Variants in SH3BP4 observed in about 807,000 individuals in gnomAD.
SH3BP4 encodes SH3 domain binding protein 4.
A neutral mutation model predicts 65.5 loss-of-function variants in SH3BP4; 33 were observed. The ratio of observed to expected loss-of-function variants is 0.50; its 90% CI spans 0.38 to 0.67. The LOEUF is 0.67. SH3BP4 is among the 30% of genes least tolerant of loss of function. The probability of loss-of-function intolerance (pLI) is 0.00; values close to 1 mark genes in which losing one functional copy is unlikely to be tolerated. For synonymous variants in SH3BP4, 552 were observed against 545.5 expected, an observed-to-expected ratio of 1.01 and a Z score of -0.17; for missense variants, 1,134 against 1,261.4, an observed-to-expected ratio of 0.90 and a Z score of 1.53.
rs149233998 is a variant in SH3BP4, at chr2:235,016,412, T to C, written c.-132-18459T>C. ...TACTTAGAAAGGGAACACTTTCCTC[T>C]GTGACTGGAAGTGTCTGGTGATGCT... On this transcript the variant is annotated intron_variant, in intron 2 of 5. Transcript: ENST00000392011. 1.6e-3 allele frequency among the ~76,000 whole-genome samples: 244 copies of C among 152,310 alleles called. 1 individual carries two copies. Among genetic ancestry groups the C allele is most frequent in the African/African-American group, 5.7e-3 (237 of 41,576 alleles).
At chr2:234,980,276 A>G (rs1416296934) in intron 1 of SH3BP4, among the ~76,000 whole-genome samples, 1 of 152,186 alleles carries the variant, frequency 6.6e-6, no homozygotes, top group Non-Finnish European at 1.5e-5. Flanking sequence ...TGCCTATGAG[A>G]AAGTTTAGTT....
intron 1 of SH3BP4, among the ~76,000 whole-genome samples, chr2:234,958,698 G>A (rs987432138): frequency 6.6e-6 from 1 of 152,010 alleles, no homozygotes; most frequent in East Asian, 1.9e-4. Context: ...ATGGGGGTAG[G>A]GGGAGAGGGG....
In SH3BP4 at chr2:234,954,479, A is replaced by G. The variant is rs144028164; in HGVS notation, c.-207+2309A>G. Among the ~76,000 whole-genome samples the G allele has an allele frequency of 9.5e-3, 1,443 of 152,296 alleles. 11 individuals carry two copies. Among genetic ancestry groups the G allele is most frequent in the Non-Finnish European group, 0.012 (850 of 68,026 alleles). ...TCAAGAGGGGGTTTTGGAAAGACCCAGAAAGTGGGCTGAAAAAAATGCTGA... is the reference window on the plus strand; with the variant it reads ...TCAAGAGGGGGTTTTGGAAAGACCCGGAAAGTGGGCTGAAAAAAATGCTGA... On this transcript the variant is annotated intron_variant, in intron 1 of 5. Transcript: ENST00000392011.
Position 235,029,082 on chromosome 2 carries a change from C to T in SH3BP4, c.-132-5789C>T, listed in dbSNP as rs531201911. Among the ~76,000 whole-genome samples the T allele has an allele frequency of 4.6e-5, 7 of 152,252 alleles. No homozygotes were observed. In the South Asian group the frequency reaches 1.0e-3, roughly 23 times the overall value. Reference sequence around the variant, plus strand: ...GCTAATTGAGGGGTGGACTCCAGGCCGCAGGCAGGCCTGCTGGAGAGGAGC... The same window carrying T: ...GCTAATTGAGGGGTGGACTCCAGGCTGCAGGCAGGCCTGCTGGAGAGGAGC... On this transcript the variant is annotated intron_variant, in intron 2 of 5. Transcript: ENST00000392011.
chr2:234,987,504 C>T (rs942675453), intron 1 of SH3BP4, among the ~76,000 whole-genome samples: 7 of 152,116 alleles, frequency 4.6e-5, no homozygotes, highest in African/African-American at 9.7e-5. Context: ...GTGTGAGAAA[C>T]GTGAACCCAC....
chr2:234,996,519 C>T (rs528676230), intron 2 of SH3BP4, among the ~76,000 whole-genome samples: 3 of 152,164 alleles, frequency 2.0e-5, no homozygotes, highest in Admixed American at 6.5e-5. Context: ...GTCAGTCCTC[C>T]GCCCACTGGG....
rs1205445399 is a variant in SH3BP4, at chr2:234,991,634, G to A, written c.-206-3669G>A. ...ACTGACGGGTCCACACTGGTGTCTG[G>A]TGGTGCCCACAGGAGAACAGTGCTT... is the stretch of plus-strand genomic sequence containing the variant. On this transcript the variant is annotated intron_variant, in intron 1 of 5. Coordinates refer to ENST00000392011, the MANE Select transcript of SH3BP4 (RefSeq NM_014521.3). The surrounding 1 kb of genome is among the most constrained non-coding windows in gnomAD (Gnocchi z 4.2). 6.6e-6 allele frequency among the ~76,000 whole-genome samples: 1 copy of A among 152,216 alleles called. No individual in the cohort carries two copies. The highest frequency in any genetic ancestry group is 2.4e-5 in the African/African-American group (1 of 41,474).
chr2:235,015,316 G>A (rs1474158433), intron 2 of SH3BP4, among the ~76,000 whole-genome samples: 3 of 152,198 alleles, frequency 2.0e-5, no homozygotes, highest in Non-Finnish European at 4.4e-5. Flanking sequence ...GAAAAATGTA[G>A]GGCCTGGGTG....
At chr2:234,955,067 T>G (rs761856756) in intron 1 of SH3BP4, among the ~76,000 whole-genome samples, 2 of 152,204 alleles carry the variant, frequency 1.3e-5, no homozygotes, top group Non-Finnish European at 2.9e-5. Flanking sequence ...TGTGTTGTGA[T>G]TTTTCTTCTG....
chr2:235,052,513 C>G lies in SH3BP4; in HGVS notation c.2479-49C>G. 5 of 1,422,486 alleles carry G rather than the reference C, an allele frequency of 3.5e-6. No individual in the cohort carries two copies. The highest frequency in any genetic ancestry group is 4.7e-6 in the Non-Finnish European group (5 of 1,060,732). The allele number at this position is 1,422,486 out of a possible 1,614,324, so 88.1% of individuals were successfully genotyped here. On this transcript the variant is annotated intron_variant, in intron 4 of 5. Coordinates refer to ENST00000392011, the MANE Select transcript of SH3BP4 (RefSeq NM_014521.3). This position sits in a 1 kb window ranked among gnomAD's most constrained non-coding sequence, Gnocchi z 5.0. The stretch of plus-strand genomic sequence containing the variant: ...GCTGGAATTCTGCGGGGAGCAGAGC[C>G]TGCCCCACTCCCTACACTGTCTCAC...
At chr2:234,979,440 T>A (rs140980051) in intron 1 of SH3BP4, 3 of 152,246 alleles carry the variant, frequency 2.0e-5, no homozygotes, top group Non-Finnish European at 4.4e-5. Context: ...TTTTTAACTT[T>A]TATGTACATG....
intron 2 of SH3BP4, among the ~76,000 whole-genome samples, chr2:235,002,542 A>G (rs913363435): frequency 6.6e-6 from 1 of 152,208 alleles, no homozygotes; most frequent in Admixed American, 6.5e-5. Flanking sequence ...CCTGGGCAAC[A>G]TAGCAAAACC....
At chr2:234,953,930 G>A (rs1240710328) in intron 1 of SH3BP4, among the ~76,000 whole-genome samples, 1 of 151,682 alleles carries the variant, frequency 6.6e-6, no homozygotes, top group African/African-American at 2.4e-5. Flanking sequence ...CTTGTAGGCG[G>A]ATTTCTTAAA....
At position 235,045,032 on chromosome 2, in the gene SH3BP4, G is replaced by GA. The variant is rs1695800715; in HGVS notation, c.2478+1786dup. ...CATGTGGGGTCACCTGCAGGGAGGGGATGGCCTGCGTCCCTCCCATCAGCC... is the reference window on the plus strand; with the variant it reads ...CATGTGGGGTCACCTGCAGGGAGGGGAATGGCCTGCGTCCCTCCCATCAGCC... On this transcript the variant is annotated intron_variant, in intron 4 of 5. Transcript: ENST00000392011. This position sits in a 1 kb window ranked among gnomAD's most constrained non-coding sequence, Gnocchi z 4.3. Among the ~76,000 whole-genome samples the GA allele has an allele frequency of 6.6e-6, 1 of 152,216 alleles. No homozygotes were observed. Among genetic ancestry groups the GA allele is most frequent in the Non-Finnish European group, 1.5e-5 (1 of 68,038 alleles).
chr2:234,984,947 A>G (rs1425270119), intron 1 of SH3BP4, among the ~76,000 whole-genome samples: 2 of 152,178 alleles, frequency 1.3e-5, no homozygotes, highest in African/African-American at 2.4e-5. Context: ...GGGCTCCATC[A>G]TGCTGGAGAC....
At chr2:235,022,791 A>G (rs781013474) in intron 2 of SH3BP4, among the ~76,000 whole-genome samples, 1 of 152,116 alleles carries the variant, frequency 6.6e-6, no homozygotes, top group Non-Finnish European at 1.5e-5. Flanking sequence ...AACCCAAAAT[A>G]TGGAGTATGA....
At chr2:234,966,868 T>G (rs1467106679) in intron 1 of SH3BP4, among the ~76,000 whole-genome samples, 1 of 152,240 alleles carries the variant, frequency 6.6e-6, no homozygotes, top group African/African-American at 2.4e-5. Context: ...CTTTGCTTAA[T>G]TAAGGTAACA....
intron 2 of SH3BP4, among the ~76,000 whole-genome samples, chr2:235,027,990 G>A (rs571905804): frequency 2.1e-4 from 32 of 152,256 alleles, no homozygotes; most frequent in Admixed American, 3.9e-4. Context: ...GGGTGTGTGC[G>A]GCTTCTTGAG....
chr2:235,033,851 C>T lies in SH3BP4; in HGVS notation c.-132-1020C>T, dbSNP rs757199542. Among the ~76,000 whole-genome samples the T allele has an allele frequency of 6.6e-6, 1 of 152,158 alleles. No individual in the cohort carries two copies. Among genetic ancestry groups the T allele is most frequent in the Non-Finnish European group, 1.5e-5 (1 of 68,024 alleles). Reference sequence around the variant, plus strand: ...GTCTCTGCATGGTAAAGGCAGCACACTGGGTCAGAAGCTACATTCTCAGCT... The same window carrying T: ...GTCTCTGCATGGTAAAGGCAGCACATTGGGTCAGAAGCTACATTCTCAGCT... On this transcript the variant is annotated intron_variant, in intron 2 of 5. Transcript: ENST00000392011. This position sits in a 1 kb window ranked among gnomAD's most constrained non-coding sequence, Gnocchi z 5.7.
Sources: allele counts gnomAD v4.1 joint callset (sites outside exome capture counted in the v4.1 genomes callset), GRCh38; gene constraint gnomAD v4.1.1; non-coding constraint Gnocchi (gnomAD v3.1); transcripts MANE v1.5; gene names NCBI Gene and HGNC (gene_info 2026-07-23, HGNC 2026-07-21).